ADAMTSL1: variants seen among roughly 807,000 people sequenced by gnomAD.
ADAMTSL1 encodes the protein ADAMTS-like protein 1.
ADAMTSL1 carries 126 observed loss-of-function variants against 201.8 expected under a neutral mutation model. The ratio of observed to expected loss-of-function variants is 0.62; its 90% CI spans 0.54 to 0.72. The LOEUF (loss-of-function observed/expected upper bound fraction) is 0.72, where lower values mean the gene tolerates loss of function less well. Ranked by LOEUF, ADAMTSL1 falls within the 30% of genes least tolerant of loss-of-function variation. ADAMTSL1 has a pLI of 0.00. For missense variants in ADAMTSL1, 2,679 were observed against 2,277.8 expected (o/e 1.18, Z -3.59); for synonymous variants, 1,121 against 903.4 (o/e 1.24, Z -4.32).
At chr9:18,510,297 TGAG>T (rs1753853575) in intron 2 of ADAMTSL1, among the ~76,000 whole-genome samples, 1 of 152,214 alleles carries the variant, frequency 6.6e-6, no homozygotes, top group Non-Finnish European at 1.5e-5. Context: ...CGGGAGCTTG[TGAG>T]GAGACTTGGT....
chr9:18,831,631 CTT>C (rs1486571784), intron 23 of ADAMTSL1, among the ~76,000 whole-genome samples: 2 of 152,158 alleles, frequency 1.3e-5, no homozygotes, highest in African/African-American at 4.8e-5. Flanking sequence ...GTTTGTGGTG[CTT>C]TGTTACCTTA....
At chr9:18,443,706 C>T (rs78924026) in intron 2 of ADAMTSL1, among the ~76,000 whole-genome samples, 1,606 of 152,284 alleles carry the variant, frequency 0.011, 28 homozygotes, top group African/African-American at 0.036. Flanking sequence ...CTTTTAGTTT[C>T]TCCCCAAAGA....
intron 1 of ADAMTSL1, among the ~76,000 whole-genome samples, chr9:17,913,042 T>G (rs1825952300): frequency 6.6e-6 from 1 of 152,184 alleles, no homozygotes; most frequent in African/African-American, 2.4e-5. Flanking sequence ...TCTGTTCTGT[T>G]TCATTGATCT....
At chr9:18,601,000 C>T (rs927102356) in intron 4 of ADAMTSL1, among the ~76,000 whole-genome samples, 3 of 152,136 alleles carry the variant, frequency 2.0e-5, no homozygotes, top group African/African-American at 7.2e-5. Context: ...TTTCCTTCAG[C>T]ATTATTCTCC....
chr9:18,345,519 C>T (rs1835675871), intron 2 of ADAMTSL1, among the ~76,000 whole-genome samples: 1 of 151,950 alleles, frequency 6.6e-6, no homozygotes, highest in Non-Finnish European at 1.5e-5. Context: ...TTTCAGTGAT[C>T]GAGAATTACT....
intron 4 of ADAMTSL1, among the ~76,000 whole-genome samples, chr9:18,583,315 A>G (rs1367510229): frequency 6.6e-6 from 1 of 152,196 alleles, no homozygotes; most frequent in Non-Finnish European, 1.5e-5. Context: ...GTAGCTTCAG[A>G]GGGTGCAAGC....
intron 1 of ADAMTSL1, among the ~76,000 whole-genome samples, chr9:18,063,111 TTGAGGCCAGGAGTTCAAGACCAGCC>T (rs1256871088): frequency 2.0e-5 from 3 of 152,266 alleles, no homozygotes; most frequent in South Asian, 4.1e-4. Flanking sequence ...GGAGGATTGC[TTGAGGCCAGGAGTTCAAGACCAGCC>T]TGAGGCCAGG....
intron 1 of ADAMTSL1, among the ~76,000 whole-genome samples, chr9:17,967,477 T>G (rs1415255412): frequency 2.0e-5 from 3 of 152,166 alleles, no homozygotes; most frequent in Non-Finnish European, 4.4e-5. Context: ...ATTGAGCAGC[T>G]ACTGTGAGTC....
At chr9:18,799,607 C>T (rs1822647717) in intron 20 of ADAMTSL1, among the ~76,000 whole-genome samples, 1 of 152,120 alleles carries the variant, frequency 6.6e-6, no homozygotes, top group African/African-American at 2.4e-5. Context: ...GCCTGCCTGA[C>T]ATCATCAATG....
At chr9:18,670,551 A>C (rs544527139) in intron 9 of ADAMTSL1, among the ~76,000 whole-genome samples, 1 of 152,366 alleles carries the variant, frequency 6.6e-6, no homozygotes, top group East Asian at 1.9e-4. Context: ...GGGACTGAAT[A>C]TGTGCACAAC....
intron 13 of ADAMTSL1, among the ~76,000 whole-genome samples, chr9:18,687,224 TAA>T (rs1425995057): frequency 7.2e-5 from 11 of 152,228 alleles, no homozygotes; most frequent in Non-Finnish European, 1.2e-4. Flanking sequence ...AGAAACGTCC[TAA>T]GTGTCACTTT....
chr9:18,892,329 G>C, intron 25 of ADAMTSL1, 60 bp from the exon 26 acceptor site: 1 of 1,516,518 alleles, frequency 6.6e-7, no homozygotes, highest in Non-Finnish European at 9.0e-7. Context: ...TGGGGAGGAG[G>C]TCTCTTTTCC....
chr9:18,675,920 A>G lies in ADAMTSL1; in HGVS notation c.1136+13A>G. 6.2e-7 allele frequency: 1 copy of G among 1,611,544 alleles called. No individual in the cohort carries two copies. Among genetic ancestry groups the G allele is most frequent in the Non-Finnish European group, 8.5e-7 (1 of 1,177,870 alleles). ...ATCCCCTTCCTCGGTACGTAAATCA[A>G]TCATCCTGATGTTAGAATTAGCAAA... On this transcript the variant is annotated intron_variant, in intron 10 of 28. Transcript: ENST00000380548.
At chr9:18,011,577 C>CTT (rs1820052870) in intron 1 of ADAMTSL1, among the ~76,000 whole-genome samples, 1 of 152,034 alleles carries the variant, frequency 6.6e-6, no homozygotes, top group South Asian at 2.1e-4. Flanking sequence ...TCTCTTAACT[C>CTT]TTTTGCTAGA....
At chr9:18,321,531 C>T (rs192336731) in intron 2 of ADAMTSL1, among the ~76,000 whole-genome samples, 169 of 152,302 alleles carry the variant, frequency 1.1e-3, no homozygotes, top group African/African-American at 3.4e-3. Context: ...CGGTGGCTCA[C>T]GCCTGTAATC....
intron 2 of ADAMTSL1, among the ~76,000 whole-genome samples, chr9:18,427,069 C>T (rs946198506): frequency 2.0e-5 from 3 of 152,202 alleles, no homozygotes; most frequent in Non-Finnish European, 4.4e-5. Flanking sequence ...TATTTTGATG[C>T]TTCCATGATT....
At chr9:18,613,577 C>G (rs150496791) in intron 4 of ADAMTSL1, among the ~76,000 whole-genome samples, 6 of 152,208 alleles carry the variant, frequency 3.9e-5, no homozygotes, top group African/African-American at 1.4e-4. Flanking sequence ...ATGAATGGAG[C>G]TGGAGGCCAT....
chr9:18,020,379 T>C (rs1820431812), intron 1 of ADAMTSL1, among the ~76,000 whole-genome samples: 1 of 152,096 alleles, frequency 6.6e-6, no homozygotes. Context: ...TCCTGAGTGC[T>C]CTGCTTTCAT....
At chr9:18,741,755 G>A (rs1038851035) in intron 15 of ADAMTSL1, among the ~76,000 whole-genome samples, 3 of 152,190 alleles carry the variant, frequency 2.0e-5, no homozygotes, top group African/African-American at 4.8e-5. Flanking sequence ...GCATCTGTCA[G>A]CCTGTGAATG....
Sources: gnomAD v4.1 joint callset for allele counts (sites outside exome capture counted in the v4.1 genomes callset) on GRCh38, gnomAD v4.1.1 for gene constraint, MANE v1.5 for transcripts, NCBI Gene and HGNC (gene_info 2026-07-23, HGNC 2026-07-21) for gene names.